The following SDK1 variants were observed in gnomAD, a reference collection of about 807,000 sequenced individuals.
The protein encoded by SDK1 is protein sidekick-1.
SDK1 carries 157 observed loss-of-function variants against 245.5 expected under a neutral mutation model. That is an observed-to-expected ratio of 0.64 (90% CI 0.56 to 0.73). SDK1 has a LOEUF of 0.73. Among genes scored for constraint, SDK1 ranks in the 30% least tolerant of loss-of-function variants. The probability of loss-of-function intolerance (pLI) is 0.00; values close to 1 mark genes in which losing one functional copy is unlikely to be tolerated. For missense variants in SDK1, 3,583 were observed against 3,002.3 expected, an observed-to-expected ratio of 1.19 and a Z score of -4.52; for synonymous variants, 1,647 against 1,278.5, an observed-to-expected ratio of 1.29 and a Z score of -6.15.
At chr7:3,564,859 C>T (rs933340244) in intron 1 of SDK1, among the ~76,000 whole-genome samples, 3 of 151,924 alleles carry the variant, frequency 2.0e-5, no homozygotes. Context: ...GTTAATGAAA[C>T]CTCGATTACA....
At chr7:4,106,468 T>C (rs1400765838) in intron 22 of SDK1, among the ~76,000 whole-genome samples, 1 of 151,992 alleles carries the variant, frequency 6.6e-6, no homozygotes, top group Non-Finnish European at 1.5e-5. Flanking sequence ...CACGCCTTTT[T>C]TGTATTTTTA....
chr7:4,147,704 A>G (rs1339586830), intron 29 of SDK1, among the ~76,000 whole-genome samples: 1 of 152,170 alleles, frequency 6.6e-6, no homozygotes, highest in East Asian at 1.9e-4. Flanking sequence ...AGCACATGGA[A>G]GGGATGCCCT....
intron 1 of SDK1, among the ~76,000 whole-genome samples, chr7:3,330,476 G>A (rs1012813593): frequency 2.6e-5 from 4 of 152,158 alleles, no homozygotes; most frequent in Admixed American, 2.6e-4. Flanking sequence ...GGTCATCAGG[G>A]TGAGGCCTCC....
At chr7:3,591,190 C>T (rs1206830662) in intron 1 of SDK1, among the ~76,000 whole-genome samples, 1 of 152,112 alleles carries the variant, frequency 6.6e-6, no homozygotes, top group African/African-American at 2.4e-5. Flanking sequence ...AAGGTGTTAA[C>T]CTTTATCTTT....
intron 19 of SDK1, among the ~76,000 whole-genome samples, chr7:4,066,843 G>A (rs146001359): frequency 1.4e-4 from 21 of 152,314 alleles, no homozygotes; most frequent in East Asian, 7.7e-4. Flanking sequence ...CATGTGGGGC[G>A]GAGCTCTGCG....
intron 1 of SDK1, among the ~76,000 whole-genome samples, chr7:3,375,303 C>A (rs1319033116): frequency 6.6e-6 from 1 of 152,048 alleles, no homozygotes; most frequent in Non-Finnish European, 1.5e-5. Context: ...TAATACTGAC[C>A]CAGGACTAGA....
intron 5 of SDK1, among the ~76,000 whole-genome samples, chr7:3,873,347 C>T (rs1029954297): frequency 1.3e-5 from 2 of 151,958 alleles, no homozygotes; most frequent in Non-Finnish European, 2.9e-5. Context: ...GTCTTTTTTT[C>T]CTCTGGCTTC....
chr7:3,584,334 G>A (rs762331790), intron 1 of SDK1, among the ~76,000 whole-genome samples: 66 of 152,070 alleles, frequency 4.3e-4, no homozygotes, highest in Non-Finnish European at 5.0e-4. Context: ...CTTGCCTGGC[G>A]TTCCCTGTCT....
intron 4 of SDK1, among the ~76,000 whole-genome samples, chr7:3,685,988 A>G (rs989277451): frequency 1.3e-5 from 2 of 152,234 alleles, no homozygotes; most frequent in African/African-American, 4.8e-5. Context: ...ACCTAATAAT[A>G]TACTGTCTAC....
chr7:3,679,621 T>A (rs971282409), intron 4 of SDK1, among the ~76,000 whole-genome samples: 3 of 152,158 alleles, frequency 2.0e-5, no homozygotes, highest in African/African-American at 7.2e-5. Flanking sequence ...TGGAAGAGGA[T>A]ATACAGATGT....
At position 3,490,055 on chromosome 7, in the gene SDK1, C is replaced by A. The variant is rs149472769; in HGVS notation, c.299-129025C>A. On this transcript the variant is annotated intron_variant, in intron 1 of 44. Coordinates refer to ENST00000404826, the MANE Select transcript of SDK1 (RefSeq NM_152744.4). ...AATACACAGAAATGATCTACTGTCACTTGCTTTCAAGCTGGAATTATTCTC... is the reference window on the plus strand; with the variant it reads ...AATACACAGAAATGATCTACTGTCAATTGCTTTCAAGCTGGAATTATTCTC... Among the ~76,000 whole-genome samples, 246 of 152,254 alleles carry A rather than the reference C, an allele frequency of 1.6e-3. 1 individual carries two copies. The highest frequency in any genetic ancestry group is 5.7e-3 in the African/African-American group (238 of 41,550).
At chr7:3,318,604 G>C (rs1471999938) in intron 1 of SDK1, among the ~76,000 whole-genome samples, 1 of 152,036 alleles carries the variant, frequency 6.6e-6, no homozygotes, top group Non-Finnish European at 1.5e-5. Flanking sequence ...TCTTACCTTG[G>C]TTGTCCTTTT....
chr7:3,303,044 A>G (rs1389765981), intron 1 of SDK1, among the ~76,000 whole-genome samples: 1 of 151,448 alleles, frequency 6.6e-6, no homozygotes, highest in Non-Finnish European at 1.5e-5. Flanking sequence ...ATGTAACGTT[A>G]TCTAAATTGT....
At chr7:3,487,578 C>A (rs1300926793) in intron 1 of SDK1, among the ~76,000 whole-genome samples, 1 of 151,690 alleles carries the variant, frequency 6.6e-6, no homozygotes, top group Non-Finnish European at 1.5e-5. Context: ...CCTGTTACTA[C>A]AAAACAAACA....
At position 3,795,193 on chromosome 7, in the gene SDK1, T is replaced by C. The variant is rs374769918; in HGVS notation, c.714-26257T>C. 1.1e-4 allele frequency among the ~76,000 whole-genome samples: 16 copies of C among 152,202 alleles called. No homozygotes were observed. In the South Asian group the frequency reaches 2.3e-3, roughly 22 times the overall value. ...AGTTGCCCTAGCATACTAGACGAAA[T>C]GTGTTAGGACTCAGACATGTCTGTT... On this transcript the variant is annotated intron_variant, in intron 4 of 44. Coordinates refer to ENST00000404826, the MANE Select transcript of SDK1 (RefSeq NM_152744.4).
chr7:3,619,526 T>C lies in SDK1; in HGVS notation c.458+287T>C, dbSNP rs188926388. 4.8e-4 allele frequency among the ~76,000 whole-genome samples: 73 copies of C among 152,334 alleles called. 1 individual carries two copies. Among genetic ancestry groups the C allele is most frequent in the African/African-American group, 1.6e-3 (66 of 41,578 alleles). On this transcript the variant is annotated intron_variant, in intron 2 of 44. Transcript: ENST00000404826. ...TACAGAGCAATGCCAATAACAGCTT[T>C]GGTATGATACATTTACTTTCCAAGG... is the stretch of plus-strand genomic sequence containing the variant.
chr7:3,640,243 T>C (rs1489462221), intron 3 of SDK1, among the ~76,000 whole-genome samples: 1 of 152,256 alleles, frequency 6.6e-6, no homozygotes, highest in Non-Finnish European at 1.5e-5. Flanking sequence ...TACATTTTAA[T>C]ATATCATTAT....
chr7:3,419,086 G>C (rs149744469), intron 1 of SDK1, among the ~76,000 whole-genome samples: 102 of 152,280 alleles, frequency 6.7e-4, no homozygotes, highest in South Asian at 2.1e-3. Flanking sequence ...TTTTTGATCT[G>C]CATTTGATTG....
At chr7:3,762,338 C>T (rs928814420) in intron 4 of SDK1, among the ~76,000 whole-genome samples, 1 of 152,164 alleles carries the variant, frequency 6.6e-6, no homozygotes, top group African/African-American at 2.4e-5. Context: ...CCTGCTGCAG[C>T]GCTTGGATAG....
Sources: gnomAD v4.1 joint callset for allele counts (sites outside exome capture counted in the v4.1 genomes callset) on GRCh38, gnomAD v4.1.1 for gene constraint, MANE v1.5 for transcripts, NCBI Gene and HGNC (gene_info 2026-07-23, HGNC 2026-07-21) for gene names.